EPHA3: variants seen among roughly 807,000 people sequenced by gnomAD.
EPHA3 encodes ephrin type-A receptor 3.
EPHA3 carries 42 observed loss-of-function variants against 107.1 expected under a neutral mutation model. The observed-to-expected ratio is 0.39, with a 90% CI of 0.31 to 0.51. The LOEUF (loss-of-function observed/expected upper bound fraction) is 0.51. Among genes scored for constraint, EPHA3 ranks in the 20% least tolerant of loss-of-function variants. EPHA3 has a pLI of 0.78. For synonymous variants in EPHA3, 461 were observed against 424.8 expected, an observed-to-expected ratio of 1.09 and a Z score of -1.05; for missense variants, 1,183 against 1,211.2, an observed-to-expected ratio of 0.98 and a Z score of 0.35.
In EPHA3 at chr3:89,107,648, G is replaced by A. The variant is rs1463130097; in HGVS notation, c.-101G>A. The stretch of plus-strand genomic sequence containing the variant: ...TGTCAAACTTGACATCAGCCTGCGA[G>A]CGGAGCATGGTAACTTCTCCAGCAA... On this transcript the variant is annotated 5_prime_UTR_variant, in exon 1 of 17. Transcript: ENST00000336596. 1 of 1,087,658 alleles carries A rather than the reference G, an allele frequency of 9.2e-7. No homozygotes were observed. The highest frequency in any genetic ancestry group is 1.4e-6 in the Non-Finnish European group (1 of 726,088). 67.4% of individuals were successfully genotyped at this position (1,087,658 alleles called of 1,614,324 possible).
At chr3:89,266,051 G>T (rs1407980519) in intron 3 of EPHA3, among the ~76,000 whole-genome samples, 17 of 152,106 alleles carry the variant, frequency 1.1e-4, no homozygotes, top group Non-Finnish European at 2.1e-4. Flanking sequence ...TAAATTCCTA[G>T]CTTAGCTCTG....
At chr3:89,225,132 CG>C (rs1398675481) in intron 3 of EPHA3, among the ~76,000 whole-genome samples, 1 of 152,018 alleles carries the variant, frequency 6.6e-6, no homozygotes, top group African/African-American at 2.4e-5. Flanking sequence ...GATCTAAAGA[CG>C]TGAAGGTAGT....
At chr3:89,354,774 A>G (rs1452724203) in intron 5 of EPHA3, among the ~76,000 whole-genome samples, 11 of 151,190 alleles carry the variant, frequency 7.3e-5, no homozygotes, top group African/African-American at 2.4e-4. Flanking sequence ...ACAATTTTAT[A>G]TGGCTATAAG....
intron 3 of EPHA3, among the ~76,000 whole-genome samples, chr3:89,217,552 C>G (rs1301550352): frequency 3.9e-5 from 6 of 152,092 alleles, no homozygotes; most frequent in Non-Finnish European, 8.8e-5. Flanking sequence ...TGAGAAGAGA[C>G]CCCAGGGATT....
chr3:89,316,505 A>AATATATATATATAT (rs58576798), intron 3 of EPHA3, among the ~76,000 whole-genome samples: 98 of 104,130 alleles, frequency 9.4e-4, no homozygotes, highest in Admixed American at 2.8e-3. Context: ...GTGTGTGTGT[A>AATATATATATATAT]ATATATATAT....
intron 3 of EPHA3, among the ~76,000 whole-genome samples, chr3:89,248,944 G>A (rs1220317677): frequency 1.3e-5 from 2 of 152,184 alleles, no homozygotes; most frequent in African/African-American, 4.8e-5. Context: ...ATGAAATTAA[G>A]TACTTTTTAA....
chr3:89,425,861 G>A (rs1371011439), intron 11 of EPHA3, among the ~76,000 whole-genome samples: 2 of 151,498 alleles, frequency 1.3e-5, no homozygotes, highest in African/African-American at 4.8e-5. Flanking sequence ...GTCATCAAGC[G>A]GCGATTCAAT....
intron 3 of EPHA3, among the ~76,000 whole-genome samples, chr3:89,266,165 A>C (rs186590059): frequency 6.6e-5 from 10 of 152,274 alleles, no homozygotes; most frequent in Admixed American, 1.3e-4. Context: ...GAACCCATTT[A>C]ATATTCATAA....
chr3:89,132,776 G>C (rs1246480162), intron 2 of EPHA3, among the ~76,000 whole-genome samples: 1 of 152,164 alleles, frequency 6.6e-6, no homozygotes, highest in Non-Finnish European at 1.5e-5. Context: ...TGTAGTTCTA[G>C]CTACTCAGGG....
chr3:89,347,147 CT>C lies in EPHA3; in HGVS notation c.1306+5058del, dbSNP rs1457842591. On this transcript the variant is annotated intron_variant, in intron 5 of 16. Transcript: ENST00000336596. ...AACTTTAAAGTAGTTTTTTCCAATT[CT>C]GTGAAGAAAGTCATTGGTAGCTTGA... is the stretch of plus-strand genomic sequence containing the variant. 1.4e-5 allele frequency among the ~76,000 whole-genome samples: 2 copies of C among 140,192 alleles called. 1 individual carries two copies. The highest frequency in any genetic ancestry group is 3.1e-5 in the Non-Finnish European group (2 of 64,192). The allele number at this position is 140,192 out of a possible 152,430, so 92.0% of individuals were successfully genotyped here.
chr3:89,117,284 A>G (rs762342036), intron 1 of EPHA3, among the ~76,000 whole-genome samples: 11 of 152,234 alleles, frequency 7.2e-5, no homozygotes, highest in East Asian at 1.9e-4. Context: ...CTTTTTGCCT[A>G]TGATAAAGTT....
At chr3:89,390,393 G>A (rs1708702023) in intron 5 of EPHA3, among the ~76,000 whole-genome samples, 1 of 152,084 alleles carries the variant, frequency 6.6e-6, no homozygotes, top group Non-Finnish European at 1.5e-5. Context: ...GAGGTCAGGA[G>A]TTCAAAACCA....
intron 16 of EPHA3, among the ~76,000 whole-genome samples, chr3:89,477,554 A>G (rs1222513279): frequency 6.6e-6 from 1 of 152,126 alleles, no homozygotes; most frequent in African/African-American, 2.4e-5. Flanking sequence ...ATTTCTGTGT[A>G]GTTGAATTCC....
At chr3:89,171,142 A>G (rs1188956731) in intron 2 of EPHA3, among the ~76,000 whole-genome samples, 1 of 152,180 alleles carries the variant, frequency 6.6e-6, no homozygotes, top group Non-Finnish European at 1.5e-5. Context: ...TTCAAAAACT[A>G]TATGAAGAAA....
At chr3:89,467,916 T>G (rs1710318938) in intron 15 of EPHA3, among the ~76,000 whole-genome samples, 3 of 152,202 alleles carry the variant, frequency 2.0e-5, no homozygotes, top group Admixed American at 2.0e-4. Flanking sequence ...CTGCATGGAT[T>G]GAAACCTATC....
chr3:89,192,397 A>T (rs1203990848), intron 2 of EPHA3, among the ~76,000 whole-genome samples: 1 of 152,102 alleles, frequency 6.6e-6, no homozygotes, highest in East Asian at 1.9e-4. Context: ...CAAAATAGTA[A>T]GGCTAAGATT....
Position 89,479,628 on chromosome 3 carries a change from G to C in EPHA3, c.*126G>C. ...CAAGTCCAATAAGACACTCAAATAT[G>C]AGTACAAATGCCTTAAAATGGAATT... On this transcript the variant is annotated 3_prime_UTR_variant, in exon 17 of 17. Transcript: ENST00000336596. 2 of 656,822 alleles carry C rather than the reference G, an allele frequency of 3.0e-6. No individual in the cohort carries two copies. The highest frequency in any genetic ancestry group is 5.3e-6 in the Non-Finnish European group (2 of 374,110). 40.7% of individuals were successfully genotyped at this position (656,822 alleles called of 1,614,324 possible).
At chr3:89,121,182 G>C (rs1222993261) in intron 1 of EPHA3, among the ~76,000 whole-genome samples, 2 of 152,152 alleles carry the variant, frequency 1.3e-5, no homozygotes, top group Non-Finnish European at 2.9e-5. Flanking sequence ...CTGGCAGTGG[G>C]AGGAGATCGT....
chr3:89,163,130 T>A (rs1162630106), intron 2 of EPHA3, among the ~76,000 whole-genome samples: 2 of 152,194 alleles, frequency 1.3e-5, no homozygotes, highest in African/African-American at 4.8e-5. Flanking sequence ...ACACCTAAAC[T>A]TGAACCCTGC....
Sources: allele counts gnomAD v4.1 joint callset (sites outside exome capture counted in the v4.1 genomes callset), GRCh38; gene constraint gnomAD v4.1.1; transcripts MANE v1.5; gene names NCBI Gene and HGNC (gene_info 2026-07-23, HGNC 2026-07-21).